Variants in NUDCD1 observed in about 807,000 individuals in gnomAD.
NUDCD1 encodes NudC domain containing 1.
NUDCD1 carries 60 observed loss-of-function variants against 67.8 expected under a neutral mutation model. The ratio of observed to expected loss-of-function variants is 0.88; its 90% CI spans 0.72 to 1.10. The LOEUF (loss-of-function observed/expected upper bound fraction) is 1.10, where lower values mean the gene tolerates loss of function less well. Ranked by LOEUF, NUDCD1 falls within the 50% of genes least tolerant of loss-of-function variation. The pLI is 0.00. For missense variants in NUDCD1, 643 were observed against 695.0 expected, an observed-to-expected ratio of 0.93 and a Z score of 0.84; for synonymous variants, 244 against 230.8, an observed-to-expected ratio of 1.06 and a Z score of -0.52.
chr8:109,300,850 A>G (rs1814971811), intron 2 of NUDCD1, among the ~76,000 whole-genome samples: 1 of 152,252 alleles, frequency 6.6e-6, no homozygotes. Context: ...CTGTGAGACA[A>G]AAGAACCAAG....
rs1046920106 is a variant in NUDCD1, at chr8:109,242,036, G to A, written c.*973C>T. On this transcript the variant is annotated 3_prime_UTR_variant, in exon 10 of 10. Transcript: ENST00000239690. ...TTGTTGAAGTTGTTAGAAAAATAAAGAGAGCCACAAGGATAAATTATAATT... is the reference window on the plus strand; with the variant it reads ...TTGTTGAAGTTGTTAGAAAAATAAAAAGAGCCACAAGGATAAATTATAATT... The A allele has an allele frequency of 2.5e-6, 1 of 397,798 alleles. No individual in the cohort carries two copies. The highest frequency in any genetic ancestry group is 2.1e-5 in the African/African-American group (1 of 48,564). The allele number at this position is 397,798 out of a possible 1,614,324, so 24.6% of individuals were successfully genotyped here.
chr8:109,241,650 A>T lies in NUDCD1; in HGVS notation c.*1359T>A, dbSNP rs1548083. 0.41 allele frequency: 62,030 copies of T among 153,000 alleles called. 12,844 individuals carry two copies. The highest frequency in any genetic ancestry group is 0.5 in the South Asian group (2,400 of 4,816). 9.5% of individuals were successfully genotyped at this position (153,000 alleles called of 1,614,324 possible). A position where few individuals can be genotyped will look rare whatever the true frequency, so the allele number is the denominator to read the frequency against. ...CCTCAATACTCTCTAGGAAACTGCA[A>T]TCTGACAAAGGGTTTAGAACATGTA... On this transcript the variant is annotated 3_prime_UTR_variant, in exon 10 of 10. Transcript: ENST00000239690.
At chr8:109,285,443 C>T (rs1450016308) in intron 5 of NUDCD1, among the ~76,000 whole-genome samples, 4 of 152,070 alleles carry the variant, frequency 2.6e-5, no homozygotes, top group Admixed American at 6.6e-5. Flanking sequence ...TCCAACAGCA[C>T]ATCAAAAATT....
chr8:109,314,134 T>C (rs1387645630), intron 2 of NUDCD1, among the ~76,000 whole-genome samples: 1 of 152,210 alleles, frequency 6.6e-6, no homozygotes, highest in Non-Finnish European at 1.5e-5. Context: ...CATGCCCTCA[T>C]AACAACACTT....
At chr8:109,255,445 A>C (rs1417662686) in intron 8 of NUDCD1, among the ~76,000 whole-genome samples, 1 of 152,184 alleles carries the variant, frequency 6.6e-6, no homozygotes, top group African/African-American at 2.4e-5. Flanking sequence ...GTGGTATAAA[A>C]TACAACTGGT....
chr8:109,264,030 A>C (rs1407715468), intron 8 of NUDCD1, among the ~76,000 whole-genome samples: 1 of 152,160 alleles, frequency 6.6e-6, no homozygotes, highest in Non-Finnish European at 1.5e-5. Context: ...ACTCTTGAGT[A>C]TATGTCTTTT....
chr8:109,246,652 C>T (rs2129858635), intron 8 of NUDCD1, among the ~76,000 whole-genome samples: 2 of 152,252 alleles, frequency 1.3e-5, no homozygotes, highest in Non-Finnish European at 1.5e-5. Context: ...TAAATGAAGA[C>T]ATGTTGTAAG....
At chr8:109,296,648 T>C (rs1814850248) in intron 2 of NUDCD1, 79 bp from the exon 3 acceptor site, 1 of 977,322 alleles carries the variant, frequency 1.0e-6, no homozygotes. Flanking sequence ...TGCGGTGTGG[T>C]GGTTTCTCTC....
chr8:109,307,580 A>T (rs1401436123), intron 2 of NUDCD1, among the ~76,000 whole-genome samples: 1 of 152,224 alleles, frequency 6.6e-6, no homozygotes, highest in Non-Finnish European at 1.5e-5. Flanking sequence ...AAATACAATT[A>T]AAAAAACATA....
chr8:109,262,572 T>C (rs915006864), intron 8 of NUDCD1, among the ~76,000 whole-genome samples: 1 of 152,214 alleles, frequency 6.6e-6, no homozygotes, highest in Non-Finnish European at 1.5e-5. Flanking sequence ...CAGCTGTGGT[T>C]ATTCAGCTCA....
intron 1 of NUDCD1, among the ~76,000 whole-genome samples, chr8:109,327,891 T>G (rs557823291): frequency 1.3e-5 from 2 of 152,332 alleles, no homozygotes; most frequent in Admixed American, 6.5e-5. Context: ...TCAAACTTCT[T>G]TAAAAAGCTG....
chr8:109,303,491 A>C (rs1017066195), intron 2 of NUDCD1, among the ~76,000 whole-genome samples: 2 of 151,414 alleles, frequency 1.3e-5, no homozygotes, highest in African/African-American at 4.9e-5. Flanking sequence ...AAACTCCCCA[A>C]CTCTCATGCC....
chr8:109,322,792 A>T (rs1348690963), intron 1 of NUDCD1, among the ~76,000 whole-genome samples: 4 of 152,208 alleles, frequency 2.6e-5, no homozygotes, highest in African/African-American at 9.6e-5. Context: ...TGAAGAATCT[A>T]CCATTTCCAG....
chr8:109,328,158 G>A (rs1815720411), intron 1 of NUDCD1, among the ~76,000 whole-genome samples: 1 of 152,114 alleles, frequency 6.6e-6, no homozygotes, highest in Non-Finnish European at 1.5e-5. Flanking sequence ...TATGAGATTA[G>A]CCCCACCACC....
intron 2 of NUDCD1, chr8:109,316,125 G>A (rs1423429012): frequency 1.3e-5 from 2 of 151,934 alleles, no homozygotes; most frequent in African/African-American, 2.4e-5. Context: ...TTAAGAAACG[G>A]AACACATTAC....
At chr8:109,250,651 A>G (rs894370342) in intron 8 of NUDCD1, among the ~76,000 whole-genome samples, 11 of 151,964 alleles carry the variant, frequency 7.2e-5, no homozygotes, top group African/African-American at 2.2e-4. Context: ...TTCAATTCCT[A>G]GTTTGCTCAG....
intron 9 of NUDCD1, 140 bp downstream of exon 9, chr8:109,245,181 CA>C: frequency 1.3e-6 from 1 of 767,854 alleles, no homozygotes; most frequent in Non-Finnish European, 2.0e-6. Flanking sequence ...ACAACTAGTA[CA>C]AGCAAACAAA....
intron 8 of NUDCD1, among the ~76,000 whole-genome samples, chr8:109,268,603 G>T (rs547440754): frequency 6.6e-6 from 1 of 152,114 alleles, no homozygotes; most frequent in Non-Finnish European, 1.5e-5. Flanking sequence ...GGGAAGCTAC[G>T]TTTAAACCAC....
At chr8:109,291,014 A>C (rs1187761947) in intron 4 of NUDCD1, among the ~76,000 whole-genome samples, 1 of 151,964 alleles carries the variant, frequency 6.6e-6, no homozygotes, top group Non-Finnish European at 1.5e-5. Flanking sequence ...GTCCTACTTG[A>C]CTTTAAAGAT....
Sources: allele counts gnomAD v4.1 joint callset (sites outside exome capture counted in the v4.1 genomes callset), GRCh38; gene constraint gnomAD v4.1.1; transcripts MANE v1.5; gene names NCBI Gene and HGNC (gene_info 2026-07-23, HGNC 2026-07-21).